The following SLC15A5 variants were observed in gnomAD, a reference collection of about 807,000 sequenced individuals.
The protein encoded by SLC15A5 is solute carrier family 15 member 5.
SLC15A5 carries 58 observed loss-of-function variants against 56.1 expected under a neutral mutation model. The observed-to-expected ratio is 1.03, with a 90% confidence interval of 0.84 to 1.29. The LOEUF (loss-of-function observed/expected upper bound fraction) is 1.29. SLC15A5 is among the 50% of genes most tolerant of loss of function. The pLI, the probability that SLC15A5 is intolerant of heterozygous loss-of-function variation, is 0.00. For synonymous variants in SLC15A5, 264 were observed against 250.5 expected, an observed-to-expected ratio of 1.05 and a Z score of -0.51; for missense variants, 681 against 672.1, an observed-to-expected ratio of 1.01 and a Z score of -0.15.
rs1168590848 is a variant in SLC15A5 at position 16,210,229 on chromosome 12, CTCCTAGTATGCAT to C, written c.1483+6651_1483+6663del. Among the ~76,000 whole-genome samples, 3 of 152,168 alleles carry C rather than the reference CTCCTAGTATGCAT, an allele frequency of 2.0e-5. No homozygotes were observed. In the East Asian group the frequency reaches 5.8e-4, roughly 29 times the overall value. Reference sequence around the variant, plus strand: ...TCAGCTTCAATACCATTTCCAGGTACTCCTAGTATGCATGTGCATGTGTCTCTAACTCTACCTC... The same window carrying C: ...TCAGCTTCAATACCATTTCCAGGTACGTGCATGTGTCTCTAACTCTACCTC... On this transcript the variant is annotated intron_variant, in intron 7 of 8. Coordinates refer to ENST00000344941, the MANE Select transcript of SLC15A5 (RefSeq NM_001170798.1).
Position 16,252,733 on chromosome 12 carries a change from G to A in SLC15A5, c.754+4968C>T, listed in dbSNP as rs184021405. 1.8e-3 allele frequency among the ~76,000 whole-genome samples: 277 copies of A among 152,156 alleles called. 2 individuals carry two copies. Among genetic ancestry groups the A allele is most frequent in the Non-Finnish European group, 3.1e-3 (209 of 67,952 alleles). ...TGTTAAAATGTCCATACTAGCCAAA[G>A]TGATCTATAGATTCAATGCAATCCC... On this transcript the variant is annotated intron_variant, in intron 3 of 8. Transcript: ENST00000344941.
rs79338506 is a variant in SLC15A5 at position 16,218,698 on chromosome 12, G to A, written c.1352-1674C>T. On this transcript the variant is annotated intron_variant, in intron 6 of 8. Coordinates refer to ENST00000344941, the MANE Select transcript of SLC15A5 (RefSeq NM_001170798.1). ...GATACTATAATCTTATGAAACTGCC[G>A]TCATATACGTGATCCATCATTGATC... Among the ~76,000 whole-genome samples the A allele has an allele frequency of 2.5e-4, 38 of 152,204 alleles. No homozygotes were observed. In the East Asian group the frequency reaches 5.6e-3, roughly 22 times the overall value.
intron 2 of SLC15A5, among the ~76,000 whole-genome samples, chr12:16,265,225 A>G (rs571032461): frequency 7.2e-5 from 11 of 152,292 alleles, no homozygotes; most frequent in Non-Finnish European, 1.3e-4. Flanking sequence ...GTAAGTCTGG[A>G]TGAGAGCTAA....
intron 5 of SLC15A5, among the ~76,000 whole-genome samples, chr12:16,233,708 T>G (rs904173883): frequency 6.6e-6 from 1 of 152,196 alleles, no homozygotes; most frequent in African/African-American, 2.4e-5. Flanking sequence ...TTGGGCCACT[T>G]TCTTTGTCTT....
intron 5 of SLC15A5, among the ~76,000 whole-genome samples, chr12:16,233,199 A>C (rs1864314984): frequency 6.6e-6 from 1 of 152,116 alleles, no homozygotes; most frequent in Non-Finnish European, 1.5e-5. Context: ...GCTATGTAAA[A>C]ATGCTTATAT....
chr12:16,251,776 C>T (rs1410298377), intron 3 of SLC15A5, among the ~76,000 whole-genome samples: 1 of 95,384 alleles, frequency 1.0e-5, no homozygotes, highest in Non-Finnish European at 2.1e-5. Context: ...TTCTTCAACT[C>T]TTCCAAAGAC....
At position 16,196,893 on chromosome 12, in the gene SLC15A5, T is replaced by C. The variant is rs576802112; in HGVS notation, c.1484-2440A>G. On this transcript the variant is annotated intron_variant, in intron 7 of 8. Coordinates refer to ENST00000344941, the MANE Select transcript of SLC15A5 (RefSeq NM_001170798.1). The surrounding 1 kb of genome is among the most constrained non-coding windows in gnomAD (Gnocchi z 4.0). The stretch of plus-strand genomic sequence containing the variant: ...ATACCAGCCTTTTGGGAGATACTAC[T>C]AGATCCCCCTGGGCACACCAGAGCA... 5.8e-4 allele frequency among the ~76,000 whole-genome samples: 88 copies of C among 152,160 alleles called. No individual in the cohort carries two copies. The highest frequency in any genetic ancestry group is 3.4e-3 in the Middle Eastern group (1 of 294).
intron 1 of SLC15A5, among the ~76,000 whole-genome samples, chr12:16,275,757 T>A (rs1388989626): frequency 1.3e-5 from 2 of 152,054 alleles, no homozygotes; most frequent in East Asian, 3.9e-4. Context: ...GGGATTTCCA[T>A]CCTGTCTGAT....
Position 16,217,041 on chromosome 12 carries a change from G to A in SLC15A5, c.1352-17C>T, listed in dbSNP as rs1437737529. On this transcript the variant is annotated splice_polypyrimidine_tract_variant and intron_variant, in intron 6 of 8. Transcript: ENST00000344941. ...TTACAGAGACTGAGAGAAAAAGAGA[G>A]GTCAGAATTTAGAACTTTCTCCTGA... 1.8e-5 allele frequency: 28 copies of A among 1,523,106 alleles called. No individual in the cohort carries two copies. The highest frequency in any genetic ancestry group is 2.0e-5 in the Non-Finnish European group (23 of 1,142,262). 94.3% of individuals were successfully genotyped at this position (1,523,106 alleles called of 1,614,324 possible).
rs1555173562 is a variant in SLC15A5, at chr12:16,259,904, G to GGC, written c.585-2035_585-2034insGC. Among the ~76,000 whole-genome samples the GGC allele has an allele frequency of 5.9e-5, 9 of 151,794 alleles. No individual in the cohort carries two copies. In the East Asian group the frequency reaches 7.8e-4, roughly 13 times the overall value. On this transcript the variant is annotated intron_variant, in intron 2 of 8. Transcript: ENST00000344941. ...TACCCAGCTGACACCACCCGGGCGG[G>GGC]GGGTAAGTTAGAGCACTTCCAGTTT... is the stretch of plus-strand genomic sequence containing the variant.
chr12:16,210,729 G>A (rs1021613276), intron 7 of SLC15A5, among the ~76,000 whole-genome samples: 5 of 152,122 alleles, frequency 3.3e-5, no homozygotes, highest in Non-Finnish European at 7.3e-5. Context: ...ATTGAATTCA[G>A]GTTCATCTGA....
chr12:16,202,569 G>C (rs1466779313), intron 7 of SLC15A5, among the ~76,000 whole-genome samples: 1 of 152,076 alleles, frequency 6.6e-6, no homozygotes, highest in Non-Finnish European at 1.5e-5. Context: ...CATTACCATA[G>C]CATTACCACA....
At chr12:16,242,962 A>G (rs1360535759) in intron 4 of SLC15A5, among the ~76,000 whole-genome samples, 1 of 152,190 alleles carries the variant, frequency 6.6e-6, no homozygotes, top group African/African-American at 2.4e-5. Context: ...TATAGAGTCA[A>G]GAGGGAGTTT....
chr12:16,257,804 T>A lies in SLC15A5; in HGVS notation c.651A>T (p.Ser217=). Residue 217 remains serine (S), a synonymous_variant, in exon 3 of 9, where the codon TCA becomes TCT. Transcript: ENST00000344941. ...TAAGTAAAACAAGGGCCCAGGCCTG[T>A]GAGTGCTGGATGTAAGATATTCCCA... ...VFLGISYIQH[S]QAWALVLLIP... is the part of the protein sequence containing the mutation. The A allele has an allele frequency of 6.5e-7, 1 of 1,529,310 alleles. No homozygotes were observed. Among genetic ancestry groups the A allele is most frequent in the Non-Finnish European group, 8.7e-7 (1 of 1,144,150 alleles). The allele number at this position is 1,529,310 out of a possible 1,614,324, so 94.7% of individuals were successfully genotyped here. A position where few individuals can be genotyped will look rare whatever the true frequency, so the allele number is the denominator to read the frequency against.
At chr12:16,201,103 A>G (rs953945855) in intron 7 of SLC15A5, among the ~76,000 whole-genome samples, 12 of 152,144 alleles carry the variant, frequency 7.9e-5, no homozygotes, top group Admixed American at 3.9e-4. Flanking sequence ...ATTAATTGCC[A>G]AAGTTGAACC....
intron 5 of SLC15A5, among the ~76,000 whole-genome samples, chr12:16,224,871 TC>T (rs1410064998): frequency 7.8e-5 from 10 of 128,356 alleles, no homozygotes; most frequent in Non-Finnish European, 1.5e-4. Flanking sequence ...ATGCTATTCC[TC>T]CCCCCTCCCC....
intron 3 of SLC15A5, among the ~76,000 whole-genome samples, chr12:16,252,652 G>C (rs899017914): frequency 6.6e-6 from 1 of 151,952 alleles, no homozygotes; most frequent in South Asian, 2.1e-4. Flanking sequence ...AAAAATTGAA[G>C]AATATACAAA....
At chr12:16,232,414 G>A (rs1864307567) in intron 5 of SLC15A5, among the ~76,000 whole-genome samples, 1 of 151,862 alleles carries the variant, frequency 6.6e-6, no homozygotes, top group Non-Finnish European at 1.5e-5. Context: ...GAGTTCAAAA[G>A]GAAATACAAA....
chr12:16,263,687 C>T (rs1290810029), intron 2 of SLC15A5, among the ~76,000 whole-genome samples: 1 of 152,128 alleles, frequency 6.6e-6, no homozygotes, highest in Admixed American at 6.5e-5. Context: ...GGCCTAGGGT[C>T]CCTGTGCTGT....
Sources: gnomAD v4.1 joint callset for allele counts (sites outside exome capture counted in the v4.1 genomes callset) on GRCh38, gnomAD v4.1.1 for gene constraint, Gnocchi (gnomAD v3.1) non-coding constraint, MANE v1.5 for transcripts, NCBI Gene and HGNC (gene_info 2026-07-23, HGNC 2026-07-21) for gene names.